PIK3CG: variants seen among roughly 807,000 people sequenced by gnomAD.
PIK3CG encodes phosphatidylinositol 4,5-bisphosphate 3-kinase catalytic subunit gamma isoform.
Under a neutral mutation model 102.3 loss-of-function variants are expected in PIK3CG, and 55 were observed. The observed-to-expected ratio is 0.54, with a 90% CI of 0.43 to 0.67. PIK3CG has a LOEUF of 0.67. Among genes scored for constraint, PIK3CG ranks in the 30% least tolerant of loss-of-function variants. The pLI is 0.00. For synonymous variants in PIK3CG, 552 were observed against 540.0 expected, an observed-to-expected ratio of 1.02 and a Z score of -0.31; for missense variants, 1,258 against 1,391.8, an observed-to-expected ratio of 0.90 and a Z score of 1.53.
rs1268221637 is a variant in PIK3CG, at chr7:106,907,207, A to G, written c.*1820A>G. On this transcript the variant is annotated 3_prime_UTR_variant, in exon 11 of 11. Transcript: ENST00000496166. ...AATTACTGTGGGATGAGACCCAGAC[A>G]TCAATATTTTTCTAGATTCTTCAGG... is the stretch of plus-strand genomic sequence containing the variant. 1 of 167,036 alleles carries G rather than the reference A, an allele frequency of 6.0e-6. No individual in the cohort carries two copies. Among genetic ancestry groups the G allele is most frequent in the East Asian group, 1.2e-4 (1 of 8,126 alleles). 10.3% of individuals were successfully genotyped at this position (167,036 alleles called of 1,614,324 possible). A position where few individuals can be genotyped will look rare whatever the true frequency, so the allele number is the denominator to read the frequency against.
Position 106,899,696 on chromosome 7 carries a change from A to G in PIK3CG, c.3031-5413A>G, listed in dbSNP as rs531917576. Reference sequence around the variant, plus strand: ...TTTGCGTATGTTGAACCAACCTTACATCCTGGGGATGAAACCTACTTGATC... The same window carrying G: ...TTTGCGTATGTTGAACCAACCTTACGTCCTGGGGATGAAACCTACTTGATC... On this transcript the variant is annotated intron_variant, in intron 10 of 10. Coordinates refer to ENST00000496166, the MANE Select transcript of PIK3CG (RefSeq NM_001282426.2). The surrounding 1 kb of genome is among the most constrained non-coding windows in gnomAD (Gnocchi z 4.6). 1.3e-5 allele frequency among the ~76,000 whole-genome samples: 2 copies of G among 152,234 alleles called. No individual in the cohort carries two copies. Among genetic ancestry groups the G allele is most frequent in the South Asian group, 4.1e-4 (2 of 4,836 alleles).
In PIK3CG at chr7:106,895,475, G is replaced by T. The variant is rs1457975862; in HGVS notation, c.3030+9183G>T. On this transcript the variant is annotated intron_variant, in intron 10 of 10. Transcript: ENST00000496166. This position sits in a 1 kb window ranked among gnomAD's most constrained non-coding sequence, Gnocchi z 5.4. ...GCGGGCAGGGCAGGTGCTCGGCTGT[G>T]CCCCCCAGGGTGAGAGAACCACCTG... Among the ~76,000 whole-genome samples, 6 of 152,176 alleles carry T rather than the reference G, an allele frequency of 3.9e-5. No homozygotes were observed. In the East Asian group the frequency reaches 1.2e-3, roughly 29 times the overall value.
In PIK3CG at chr7:106,882,130, T is replaced by C. The variant is rs1790958272; in HGVS notation, c.2552T>C (p.Met851Thr). ...DMLILQILRI[M>T]ESIWETESLD... ...TTCGATGCCCAGATTCTACGAATCA[T>C]GGAGTCTATTTGGGAGACTGAATCT... Residue 851 changes from methionine (M) to threonine (T), a missense_variant, in exon 7 of 11, where the codon ATG becomes ACG. By Grantham distance (81) the Met-to-Thr change is moderately conservative. This residue lies in a region of PIK3CG where 426 missense variants were observed against 604.2 expected (regional missense o/e 0.71). Coordinates refer to ENST00000496166, the MANE Select transcript of PIK3CG (RefSeq NM_001282426.2). 2.0e-6 allele frequency: 3 copies of C among 1,512,460 alleles called. No homozygotes were observed. In the African/African-American group the frequency reaches 4.2e-5, roughly 21 times the overall value. 93.7% of individuals were successfully genotyped at this position (1,512,460 alleles called of 1,614,324 possible).
intron 10 of PIK3CG, among the ~76,000 whole-genome samples, chr7:106,887,717 CAT>C (rs1791140162): frequency 1.3e-5 from 2 of 151,898 alleles, no homozygotes; most frequent in South Asian, 4.2e-4. Context: ...TTAAAAATCA[CAT>C]GTTTTGACAA....
In PIK3CG at chr7:106,905,294, C is replaced by T. The variant is rs776632717; in HGVS notation, c.3216C>T (p.Ile1072=). Residue 1072 remains isoleucine (I), a synonymous_variant, in exon 11 of 11, where the codon ATC becomes ATT. Transcript: ENST00000496166. The surrounding 1 kb of genome is among the most constrained non-coding windows in gnomAD (Gnocchi z 5.6). ...EDAKKYFLDQ[I]EVCRDKGWTV... ...CTAAAAAGTATTTTCTTGATCAGAT[C>T]GAAGTTTGCAGAGACAAAGGATGGA... 1.8e-5 allele frequency: 29 copies of T among 1,613,936 alleles called. No individual in the cohort carries two copies. The highest frequency in any genetic ancestry group is 1.4e-4 in the South Asian group (13 of 91,078).
At position 106,891,292 on chromosome 7, in the gene PIK3CG, A is replaced by G. The variant is rs1224043169; in HGVS notation, c.3030+5000A>G. 6.6e-6 allele frequency among the ~76,000 whole-genome samples: 1 copy of G among 152,242 alleles called. No individual in the cohort carries two copies. Among genetic ancestry groups the G allele is most frequent in the Non-Finnish European group, 1.5e-5 (1 of 68,036 alleles). On this transcript the variant is annotated intron_variant, in intron 10 of 10. Transcript: ENST00000496166. This position sits in a 1 kb window ranked among gnomAD's most constrained non-coding sequence, Gnocchi z 4.4. The stretch of plus-strand genomic sequence containing the variant: ...TAACTCAGGCCCAGATTGACAGACC[A>G]TCATCACATGGAAGGTAATAAGCCT...
In PIK3CG at chr7:106,883,989, A is replaced by C. The variant is rs531984431; in HGVS notation, c.2761-166A>C. On this transcript the variant is annotated intron_variant, in intron 8 of 10. Transcript: ENST00000496166. The surrounding 1 kb of genome is among the most constrained non-coding windows in gnomAD (Gnocchi z 5.8). ...TCTTCACCTAAAATATAAGCAGAGC[A>C]ATGAGAAAGTTGGCAATTCATAGAT... 6.6e-6 allele frequency among the ~76,000 whole-genome samples: 1 copy of C among 152,318 alleles called. No individual in the cohort carries two copies. Among genetic ancestry groups the C allele is most frequent in the South Asian group, 2.1e-4 (1 of 4,832 alleles).
At chr7:106,896,673 A>G (rs921495372) in intron 10 of PIK3CG, among the ~76,000 whole-genome samples, 2 of 152,224 alleles carry the variant, frequency 1.3e-5, no homozygotes, top group Non-Finnish European at 2.9e-5. Flanking sequence ...AACAGCCCAC[A>G]CAAGTCTCCC....
chr7:106,905,009 A>G lies in PIK3CG; in HGVS notation c.3031-100A>G. On this transcript the variant is annotated intron_variant, in intron 10 of 10. Coordinates refer to ENST00000496166, the MANE Select transcript of PIK3CG (RefSeq NM_001282426.2). This position sits in a 1 kb window ranked among gnomAD's most constrained non-coding sequence, Gnocchi z 5.6. ...GGACCTTGATGGTTTCTTCTCATGG[A>G]CAGGTAACTCTATGTACATTTCAGT... The G allele has an allele frequency of 9.8e-7, 1 of 1,022,442 alleles. No individual in the cohort carries two copies. The allele number at this position is 1,022,442 out of a possible 1,614,324, so 63.3% of individuals were successfully genotyped here.
At position 106,906,710 on chromosome 7, in the gene PIK3CG, A is replaced by G; in HGVS notation, c.*1323A>G. On this transcript the variant is annotated 3_prime_UTR_variant, in exon 11 of 11. Transcript: ENST00000496166. Reference sequence around the variant, plus strand: ...TGTAATTACCTGTAGCTAATACATTACATAGAAAAAAACTATGTTAACAGT... The same window carrying G: ...TGTAATTACCTGTAGCTAATACATTGCATAGAAAAAAACTATGTTAACAGT... 1 of 227,882 alleles carries G rather than the reference A, an allele frequency of 4.4e-6. No individual in the cohort carries two copies. Among genetic ancestry groups the G allele is most frequent in the East Asian group, 6.3e-5 (1 of 15,798 alleles). The allele number at this position is 227,882 out of a possible 1,614,324, so 14.1% of individuals were successfully genotyped here.
At chr7:106,878,323 T>C (rs777445417) in intron 5 of PIK3CG, among the ~76,000 whole-genome samples, 6 of 152,218 alleles carry the variant, frequency 3.9e-5, no homozygotes, top group Non-Finnish European at 7.3e-5. Context: ...TTGATTATGA[T>C]GTACCCTGGT....
intron 7 of PIK3CG, 152 bp from the exon 8 acceptor site, chr7:106,882,881 A>G: frequency 1.7e-6 from 1 of 598,734 alleles, no homozygotes; most frequent in East Asian, 2.8e-5. Flanking sequence ...CTCATAAGAA[A>G]ACCAATAGCA....
intron 9 of PIK3CG, among the ~76,000 whole-genome samples, chr7:106,885,215 A>G (rs1051911557): frequency 2.6e-5 from 4 of 152,172 alleles, no homozygotes; most frequent in African/African-American, 9.6e-5. Flanking sequence ...TGAAGGAGGA[A>G]GAGGCAGGAA....
In PIK3CG at chr7:106,879,799, A is replaced by G. The variant is rs1313478067; in HGVS notation, c.2538+134A>G. 2.8e-6 allele frequency: 2 copies of G among 706,590 alleles called. No individual in the cohort carries two copies. The highest frequency in any genetic ancestry group is 4.6e-6 in the Non-Finnish European group (2 of 430,132). 43.8% of individuals were successfully genotyped at this position (706,590 alleles called of 1,614,324 possible). On this transcript the variant is annotated intron_variant, in intron 6 of 10. Transcript: ENST00000496166. This position sits in a 1 kb window ranked among gnomAD's most constrained non-coding sequence, Gnocchi z 4.9. ...GAATTGTGATCAAATATTACATCAT[A>G]GAGAGTTTTCACTTGGGGAATTTGG...
Position 106,884,114 on chromosome 7 carries a change from G to T in PIK3CG, c.2761-41G>T, listed in dbSNP as rs751674947. On this transcript the variant is annotated intron_variant, in intron 8 of 10. Transcript: ENST00000496166. The surrounding 1 kb of genome is among the most constrained non-coding windows in gnomAD (Gnocchi z 4.2). ...CATTTGTAGATTCATGATGCTTTTTGTAGTTAGAAGACAACTAATATTCAA... is the reference window on the plus strand; with the variant it reads ...CATTTGTAGATTCATGATGCTTTTTTTAGTTAGAAGACAACTAATATTCAA... 7.3e-7 allele frequency: 1 copy of T among 1,370,492 alleles called. No individual in the cohort carries two copies. Among genetic ancestry groups the T allele is most frequent in the Non-Finnish European group, 1.0e-6 (1 of 965,340 alleles). The allele number at this position is 1,370,492 out of a possible 1,614,324, so 84.9% of individuals were successfully genotyped here.
At position 106,884,189 on chromosome 7, in the gene PIK3CG, G is replaced by A. The variant is rs2116551477; in HGVS notation, c.2795G>A (p.Cys932Tyr). The A allele has an allele frequency of 6.2e-7, 1 of 1,613,752 alleles. No individual in the cohort carries two copies. The highest frequency in any genetic ancestry group is 8.5e-7 in the Non-Finnish European group (1 of 1,179,854). Residue 932 changes from cysteine to tyrosine, a missense_variant, in exon 9 of 11, where the codon TGT becomes TAT. Physicochemically the swap from Cys to Tyr is radical, Grantham distance 194. Coordinates refer to ENST00000496166, the MANE Select transcript of PIK3CG (RefSeq NM_001282426.2). The surrounding 1 kb of genome is among the most constrained non-coding windows in gnomAD (Gnocchi z 4.2). ...GCAGTGGAGAGATTTGTTTATTCCTGTGCAGGCTACTGTGTGGCAACCTTT... is the reference window on the plus strand; with the variant it reads ...GCAGTGGAGAGATTTGTTTATTCCTATGCAGGCTACTGTGTGGCAACCTTT... ...QAAVERFVYS[C>Y]AGYCVATFVL... is the part of the protein sequence containing the mutation.
rs1249807230 is a variant in PIK3CG at position 106,868,750 on chromosome 7, A to G, written c.1189A>G (p.Arg397Gly). Residue 397 changes from arginine (R) to glycine (G), a missense_variant, in exon 2 of 11, where the codon AGG becomes GGG. Coordinates refer to ENST00000496166, the MANE Select transcript of PIK3CG (RefSeq NM_001282426.2). This position sits in a 1 kb window ranked among gnomAD's most constrained non-coding sequence, Gnocchi z 6.2. ...GCATGGGCAACAAGTCCTTTGCCAA[A>G]GGAGAACCAGCCCCAAACCCTTCAC... ...IQHGQQVLCQ[R>G]RTSPKPFTEE... 1.2e-6 allele frequency: 2 copies of G among 1,614,250 alleles called. No homozygotes were observed. Among genetic ancestry groups the G allele is most frequent in the Admixed American group, 1.7e-5 (1 of 60,034 alleles).
At position 106,879,387 on chromosome 7, in the gene PIK3CG, T is replaced by G. The variant is rs1009940411; in HGVS notation, c.2392-132T>G. The G allele has an allele frequency of 8.8e-6, 7 of 794,222 alleles. No individual in the cohort carries two copies. The African/African-American group carries it at 1.2e-4, about 14-fold the overall frequency. The allele number at this position is 794,222 out of a possible 1,614,324, so 49.2% of individuals were successfully genotyped here. The stretch of plus-strand genomic sequence containing the variant: ...AACAACTTCTGTATTTTTACCCAAA[T>G]ATTGAAAATCATTCTCCAACTAGGA... On this transcript the variant is annotated intron_variant, in intron 5 of 10. Transcript: ENST00000496166. The surrounding 1 kb of genome is among the most constrained non-coding windows in gnomAD (Gnocchi z 4.9).
chr7:106,887,996 A>G (rs1584339189), intron 10 of PIK3CG, among the ~76,000 whole-genome samples: 3 of 130,096 alleles, frequency 2.3e-5, no homozygotes, highest in East Asian at 4.6e-4. Flanking sequence ...GCTAGAGTAC[A>G]GTGGCATGAT....
Sources: gnomAD v4.1 joint callset for allele counts (sites outside exome capture counted in the v4.1 genomes callset) on GRCh38, gnomAD v4.1.1 for gene constraint, gnomAD v4.1.1 regional missense constraint, Gnocchi (gnomAD v3.1) non-coding constraint, MANE v1.5 for transcripts, NCBI Gene and HGNC (gene_info 2026-07-23, HGNC 2026-07-21) for gene names.